The following PRIM2 variants were observed in gnomAD, a reference collection of about 807,000 sequenced individuals.
PRIM2 encodes DNA primase large subunit.
A neutral mutation model predicts 67.3 loss-of-function variants in PRIM2; 39 were observed. The ratio of observed to expected loss-of-function variants is 0.58; its 90% confidence interval spans 0.45 to 0.76. PRIM2 has a LOEUF of 0.76. Among genes scored for constraint, PRIM2 ranks in the 30% least tolerant of loss-of-function variants. The pLI is 0.00. For missense variants in PRIM2, 398 were observed against 598.7 expected, an observed-to-expected ratio of 0.66 and a Z score of 3.50; for synonymous variants, 143 against 198.7, an observed-to-expected ratio of 0.72 and a Z score of 2.36.
intron 5 of PRIM2, among the ~76,000 whole-genome samples, chr6:57,353,886 T>C (rs546433473): frequency 1.3e-5 from 2 of 152,192 alleles, no homozygotes; most frequent in African/African-American, 4.8e-5. Context: ...ACTTTTGTTT[T>C]GTTAGCTAAT....
At chr6:57,592,635 T>C (rs1776301342) in intron 10 of PRIM2, among the ~76,000 whole-genome samples, 1 of 151,952 alleles carries the variant, frequency 6.6e-6, no homozygotes, top group African/African-American at 2.4e-5. Flanking sequence ...CTACTAAAAA[T>C]ACAAAAACTA....
the PRIM2 span, among the ~76,000 whole-genome samples, chr6:57,270,238 T>C: frequency 0.21 from 32,048 of 151,344 alleles, 4,566 homozygotes; most frequent in African/African-American, 0.41. Flanking sequence ...GCCATTTTCA[T>C]GATATTGATT....
At chr6:57,533,654 G>T (rs1774938140) in intron 9 of PRIM2, among the ~76,000 whole-genome samples, 1 of 152,190 alleles carries the variant, frequency 6.6e-6, no homozygotes, top group Non-Finnish European at 1.5e-5. Flanking sequence ...TATATAATGT[G>T]AATGGTTGGA....
chr6:57,307,592 C>T, the PRIM2 span, among the ~76,000 whole-genome samples: 1 of 152,066 alleles, frequency 6.6e-6, no homozygotes, highest in African/African-American at 2.4e-5. Context: ...TAGGGAACCA[C>T]AATGGATAGA....
intron 10 of PRIM2, among the ~76,000 whole-genome samples, chr6:57,548,981 A>G (rs1775346483): frequency 6.6e-6 from 1 of 152,228 alleles, no homozygotes; most frequent in Admixed American, 6.5e-5. Context: ...TTCCTAGCAT[A>G]TGCTAGGCTC....
At chr6:57,424,474 G>C (rs1771558033) in intron 7 of PRIM2, among the ~76,000 whole-genome samples, 1 of 152,148 alleles carries the variant, frequency 6.6e-6, no homozygotes, top group Non-Finnish European at 1.5e-5. Flanking sequence ...GACTCCACAA[G>C]ATAACATGAG....
intron 10 of PRIM2, among the ~76,000 whole-genome samples, chr6:57,579,431 A>T (rs1776038075): frequency 6.6e-6 from 1 of 152,162 alleles, no homozygotes; most frequent in African/African-American, 2.4e-5. Flanking sequence ...AGCTTTAAAA[A>T]TTTTATGTAA....
intron 10 of PRIM2, among the ~76,000 whole-genome samples, chr6:57,593,142 G>T (rs1428275913): frequency 6.6e-6 from 1 of 152,116 alleles, no homozygotes; most frequent in African/African-American, 2.4e-5. Context: ...TATATTGCCA[G>T]TGCCACAGCT....
chr6:57,261,211 G>T, the PRIM2 span, among the ~76,000 whole-genome samples: 1 of 152,276 alleles, frequency 6.6e-6, no homozygotes, highest in African/African-American at 2.4e-5. Flanking sequence ...AGCCTAAAGT[G>T]GGAGAGTAAG....
chr6:57,373,966 T>TA (rs1395111979), intron 5 of PRIM2, among the ~76,000 whole-genome samples: 6 of 152,116 alleles, frequency 3.9e-5, no homozygotes, highest in Non-Finnish European at 4.4e-5. Flanking sequence ...AAAATAGTTT[T>TA]AAAAAAATTC....
At chr6:57,329,528 C>G (rs2127279319) in intron 5 of PRIM2, among the ~76,000 whole-genome samples, 1 of 152,184 alleles carries the variant, frequency 6.6e-6, no homozygotes, top group East Asian at 1.9e-4. Context: ...ATGGAAAGGA[C>G]TTGGTGGGAG....
intron 7 of PRIM2, among the ~76,000 whole-genome samples, chr6:57,459,015 A>G (rs2127395738): frequency 6.6e-6 from 1 of 152,350 alleles, no homozygotes; most frequent in Middle Eastern, 3.4e-3. Context: ...TGGTGTGGTA[A>G]GTCACTGAGA....
intron 10 of PRIM2, among the ~76,000 whole-genome samples, chr6:57,568,584 A>G (rs2127480680): frequency 6.6e-6 from 1 of 152,258 alleles, no homozygotes; most frequent in East Asian, 1.9e-4. Flanking sequence ...AATAGAATAA[A>G]ATTGGAAGCA....
chr6:57,342,832 C>T (rs1010209500), intron 5 of PRIM2, among the ~76,000 whole-genome samples: 2 of 152,200 alleles, frequency 1.3e-5, no homozygotes, highest in Admixed American at 6.5e-5. Context: ...AAAACAAGTA[C>T]ACGTAAAACT....
the PRIM2 span, among the ~76,000 whole-genome samples, chr6:57,292,197 C>A: frequency 2.0e-5 from 3 of 152,104 alleles, no homozygotes; most frequent in African/African-American, 4.8e-5. Context: ...TCCTATACAC[C>A]AATAACAGAC....
At chr6:57,566,204 G>T (rs1156312435) in intron 10 of PRIM2, among the ~76,000 whole-genome samples, 5 of 145,002 alleles carry the variant, frequency 3.4e-5, no homozygotes, top group Admixed American at 2.1e-4. Flanking sequence ...AATGGAATTA[G>T]CTCTAAAGAC....
chr6:57,409,674 A>G (rs373982870), intron 7 of PRIM2, among the ~76,000 whole-genome samples: 69 of 152,318 alleles, frequency 4.5e-4, no homozygotes, highest in African/African-American at 1.7e-3. Flanking sequence ...TAATGGATGT[A>G]TGATGATATC....
chr6:57,336,110 C>T (rs1025610016), intron 5 of PRIM2, among the ~76,000 whole-genome samples: 10 of 151,940 alleles, frequency 6.6e-5, no homozygotes, highest in African/African-American at 2.2e-4. Flanking sequence ...AAGATATCAG[C>T]AATGGAAGAT....
chr6:57,383,470 T>C (rs1446933673), intron 7 of PRIM2: 1 of 151,834 alleles, frequency 6.6e-6, no homozygotes, highest in Admixed American at 6.6e-5. Context: ...AATCTGATCA[T>C]AGTCATTTCC....
Sources: allele counts gnomAD v4.1 joint callset (sites outside exome capture counted in the v4.1 genomes callset), GRCh38; gene constraint gnomAD v4.1.1; transcripts MANE v1.5; gene names NCBI Gene and HGNC (gene_info 2026-07-23, HGNC 2026-07-21).